KSR2: variants seen among roughly 807,000 people sequenced by gnomAD.
The protein encoded by KSR2 is kinase suppressor of ras 2.
In KSR2, 25 loss-of-function variants were observed where a neutral mutation model predicts 107.8. That is an observed-to-expected ratio of 0.23 (90% CI 0.17 to 0.32). The LOEUF (loss-of-function observed/expected upper bound fraction) is 0.32. Among genes scored for constraint, KSR2 ranks in the 10% least tolerant of loss-of-function variants. The pLI is 1.00. For synonymous variants in KSR2, 480 were observed against 507.0 expected (o/e 0.95, Z 0.71); for missense variants, 887 against 1,268.9 (o/e 0.70, Z 4.57).
At chr12:117,590,733 T>G (rs2136267197) in intron 5 of KSR2, among the ~76,000 whole-genome samples, 1 of 152,254 alleles carries the variant, frequency 6.6e-6, no homozygotes, top group Non-Finnish European at 1.5e-5. Flanking sequence ...CCACACCCAC[T>G]CATTGACACA....
intron 14 of KSR2, among the ~76,000 whole-genome samples, chr12:117,495,879 C>A (rs1239158741): frequency 6.6e-6 from 1 of 152,036 alleles, no homozygotes; most frequent in Non-Finnish European, 1.5e-5. Flanking sequence ...CATGGTGAAA[C>A]CCTGTCTCTA....
At chr12:117,562,965 C>T (rs754553592) in intron 7 of KSR2, among the ~76,000 whole-genome samples, 4 of 152,254 alleles carry the variant, frequency 2.6e-5, no homozygotes, top group East Asian at 3.9e-4. Context: ...ATAGAGTCGG[C>T]AGGATTAGAC....
chr12:117,481,057 C>T (rs1215302756), intron 16 of KSR2, among the ~76,000 whole-genome samples: 1 of 151,782 alleles, frequency 6.6e-6, no homozygotes, highest in Admixed American at 6.6e-5. Flanking sequence ...GCAAGAGATC[C>T]TGTCTCGAAA....
intron 1 of KSR2, among the ~76,000 whole-genome samples, chr12:117,945,494 G>A (rs926797721): frequency 4.6e-5 from 7 of 152,048 alleles, no homozygotes; most frequent in African/African-American, 1.7e-4. Flanking sequence ...GGCCAATGTG[G>A]TGAAACCCTA....
intron 9 of KSR2, 77 bp from the exon 10 acceptor site, chr12:117,539,964 G>GA (rs1555214026): frequency 7.9e-7 from 1 of 1,263,934 alleles, no homozygotes; most frequent in South Asian, 1.3e-5. Context: ...GGCTGAGCAG[G>GA]AGAGGCCCCC....
intron 3 of KSR2, among the ~76,000 whole-genome samples, chr12:117,791,752 G>A (rs953765595): frequency 2.0e-5 from 3 of 152,138 alleles, no homozygotes; most frequent in Admixed American, 6.5e-5. Context: ...GCTGAGGAAC[G>A]GAGGCATCAG....
intron 4 of KSR2, among the ~76,000 whole-genome samples, chr12:117,742,525 T>C (rs975862994): frequency 5.2e-5 from 6 of 114,340 alleles, no homozygotes; most frequent in Non-Finnish European, 1.2e-4. Flanking sequence ...GATGGATGGA[T>C]GGATGGGTGG....
intron 14 of KSR2, among the ~76,000 whole-genome samples, chr12:117,524,203 A>C (rs956374525): frequency 8.5e-5 from 13 of 152,228 alleles, no homozygotes; most frequent in African/African-American, 3.1e-4. Context: ...TACAAAAAAA[A>C]GTTGGCTGAC....
chr12:117,496,797 A>C (rs111395380), intron 14 of KSR2, among the ~76,000 whole-genome samples: 31 of 152,242 alleles, frequency 2.0e-4, no homozygotes, highest in African/African-American at 7.2e-4. Flanking sequence ...CAAAACAACA[A>C]AACTAGTTTA....
chr12:117,664,310 C>T (rs1355744228), intron 5 of KSR2, among the ~76,000 whole-genome samples: 1 of 152,180 alleles, frequency 6.6e-6, no homozygotes, highest in African/African-American at 2.4e-5. Flanking sequence ...GCGTTACCAT[C>T]ATGGGGTAAC....
chr12:117,565,288 T>C lies in KSR2; in HGVS notation c.1326-6715A>G, dbSNP rs376687247. On this transcript the variant is annotated intron_variant, in intron 7 of 19. Coordinates refer to ENST00000339824, the MANE Select transcript of KSR2 (RefSeq NM_173598.6). ...TCGATCTCTCATTTCTCCTATTTTT[T>C]CTTGTTCCATGCCAGCTAACTTTAC... 3.4e-4 allele frequency among the ~76,000 whole-genome samples: 52 copies of C among 152,340 alleles called. No homozygotes were observed. In the South Asian group the frequency reaches 0.011, roughly 31 times the overall value.
intron 5 of KSR2, among the ~76,000 whole-genome samples, chr12:117,636,646 C>G (rs1044066984): frequency 6.6e-6 from 1 of 152,170 alleles, no homozygotes; most frequent in Non-Finnish European, 1.5e-5. Flanking sequence ...ATACCATATT[C>G]TGAAATCAAT....
intron 14 of KSR2, chr12:117,517,994 C>A: frequency 2.6e-6 from 1 of 391,036 alleles, no homozygotes; most frequent in South Asian, 1.9e-5. Context: ...TATTTGAAAG[C>A]ATGGAAAACA....
At chr12:117,846,993 C>G (rs1228118680) in intron 3 of KSR2, among the ~76,000 whole-genome samples, 2 of 152,228 alleles carry the variant, frequency 1.3e-5, no homozygotes, top group Non-Finnish European at 2.9e-5. Context: ...CGCCTAAGCG[C>G]GTTCGCATCA....
At chr12:117,529,742 C>T (rs948919973) in intron 12 of KSR2, among the ~76,000 whole-genome samples, 3 of 152,032 alleles carry the variant, frequency 2.0e-5, no homozygotes, top group Non-Finnish European at 4.4e-5. Context: ...GTGGCTCATG[C>T]CTGTAATCCC....
At chr12:117,628,797 C>A (rs543160653) in intron 5 of KSR2, among the ~76,000 whole-genome samples, 38 of 152,382 alleles carry the variant, frequency 2.5e-4, no homozygotes, top group African/African-American at 7.0e-4. Context: ...TTCAGCTACG[C>A]CCTGCCCACA....
At chr12:117,515,237 A>T (rs1384704610) in intron 14 of KSR2, among the ~76,000 whole-genome samples, 2 of 152,128 alleles carry the variant, frequency 1.3e-5, no homozygotes, top group Admixed American at 1.3e-4. Flanking sequence ...TACATCACAT[A>T]CTTGGCATCT....
intron 5 of KSR2, among the ~76,000 whole-genome samples, chr12:117,654,624 T>C (rs1884055761): frequency 6.6e-6 from 1 of 152,154 alleles, no homozygotes; most frequent in African/African-American, 2.4e-5. Context: ...ATATACTGAT[T>C]TGTGGGCTGT....
chr12:117,816,283 C>T (rs1208412347), intron 3 of KSR2, among the ~76,000 whole-genome samples: 1 of 152,158 alleles, frequency 6.6e-6, no homozygotes, highest in Non-Finnish European at 1.5e-5. Context: ...ACCTGGAGTT[C>T]TGCAGACGGC....
Sources: allele counts gnomAD v4.1 joint callset (sites outside exome capture counted in the v4.1 genomes callset), GRCh38; gene constraint gnomAD v4.1.1; transcripts MANE v1.5; gene names NCBI Gene and HGNC (gene_info 2026-07-23, HGNC 2026-07-21).